CSPG4: variants seen among roughly 807,000 people sequenced by gnomAD.
The protein encoded by CSPG4 is chondroitin sulfate proteoglycan 4 (melanoma-associated).
Under a neutral mutation model 139.3 loss-of-function variants are expected in CSPG4, and 74 were observed. The ratio of observed to expected loss-of-function variants is 0.53; its 90% CI spans 0.44 to 0.64. The LOEUF is 0.64. Among genes scored for constraint, CSPG4 ranks in the 30% least tolerant of loss-of-function variants. The probability of loss-of-function intolerance (pLI) is 0.00; values close to 1 mark genes in which losing one functional copy is unlikely to be tolerated. For synonymous variants in CSPG4, 1,234 were observed against 1,394.2 expected, an observed-to-expected ratio of 0.89 and a Z score of 2.56; for missense variants, 2,565 against 3,148.3, an observed-to-expected ratio of 0.81 and a Z score of 4.43.
At chr15:75,699,512 C>G (rs1406858856) in intron 1 of CSPG4, among the ~76,000 whole-genome samples, 1 of 152,188 alleles carries the variant, frequency 6.6e-6, no homozygotes, top group African/African-American at 2.4e-5. Context: ...TGAGGGAACC[C>G]GTCTGGAAGA....
rs769779705 is a variant in CSPG4 at position 75,685,462 on chromosome 15, G to A, written c.4029C>T (p.Pro1343=). 6.2e-7 allele frequency: 1 copy of A among 1,612,402 alleles called. No homozygotes were observed. Among genetic ancestry groups the A allele is most frequent in the East Asian group, 2.2e-5 (1 of 44,872 alleles). The change falls in exon 4 of 10, where the codon CCC becomes CCT. Residue 1343 remains proline, a synonymous_variant. Transcript: ENST00000308508. ...SLDVASGLGA[P]LEGVLVELEV... ...CCAGCTCCACAAGGACGCCCTCGAG[G>A]GGAGCACCCAGGCCTGAGGCCACAT...
intron 1 of CSPG4, among the ~76,000 whole-genome samples, chr15:75,709,909 G>T (rs565843740): frequency 2.0e-5 from 3 of 151,836 alleles, no homozygotes; most frequent in Non-Finnish European, 4.4e-5. Flanking sequence ...TTTTTCTCGA[G>T]TCCGGGTGGG....
chr15:75,695,586 G>T (rs550054321), intron 1 of CSPG4, among the ~76,000 whole-genome samples: 15 of 152,272 alleles, frequency 9.9e-5, no homozygotes, highest in African/African-American at 3.6e-4. Flanking sequence ...CCACCTCCTG[G>T]TCTCCTTTTT....
At position 75,675,676 on chromosome 15, in the gene CSPG4, G is replaced by T; in HGVS notation, c.6843C>A (p.Gly2281=). Residue 2281 remains glycine (G), a synonymous_variant, in exon 10 of 10, where the codon GGC becomes GGA. Coordinates refer to ENST00000308508, the MANE Select transcript of CSPG4 (RefSeq NM_001897.5). ...DTETFRKVEP[G]QAIPLTAVPG... ...GCACAGCTGTGAGCGGGATGGCCTG[G>T]CCTGGCTCCACCTTGCGAAAGGTCT... 3 of 1,550,496 alleles carry T rather than the reference G, an allele frequency of 1.9e-6. No homozygotes were observed. Among genetic ancestry groups the T allele is most frequent in the East Asian group, 4.5e-5 (2 of 44,238 alleles).
At position 75,691,066 on chromosome 15, in the gene CSPG4, T is replaced by C. The variant is rs531644690; in HGVS notation, c.253-254A>G. ...GCGCATGCCTGTAATCCCAGCTACT[T>C]TGGAGGCTGTGGCAGGAGAATTGCT... On this transcript the variant is annotated intron_variant, in intron 2 of 9. Coordinates refer to ENST00000308508, the MANE Select transcript of CSPG4 (RefSeq NM_001897.5). Among the ~76,000 whole-genome samples the C allele has an allele frequency of 1.4e-4, 21 of 152,262 alleles. No individual in the cohort carries two copies. The East Asian group carries it at 3.7e-3, about 27-fold the overall frequency.
intron 1 of CSPG4, among the ~76,000 whole-genome samples, chr15:75,707,036 C>T (rs1399969416): frequency 6.6e-6 from 1 of 150,958 alleles, no homozygotes; most frequent in Non-Finnish European, 1.5e-5. Flanking sequence ...TAGCTCACTG[C>T]AACATCTGCC....
At chr15:75,681,567 C>T (rs988552897) in intron 8 of CSPG4, among the ~76,000 whole-genome samples, 8 of 152,238 alleles carry the variant, frequency 5.3e-5, no homozygotes, top group East Asian at 1.9e-4. Flanking sequence ...TCACATGTGC[C>T]GCCTGCCTGG....
In CSPG4 at chr15:75,696,611, C is replaced by T. The variant is rs1050009103; in HGVS notation, c.89-3378G>A. Among the ~76,000 whole-genome samples, 17 of 152,094 alleles carry T rather than the reference C, an allele frequency of 1.1e-4. No homozygotes were observed. Among genetic ancestry groups the T allele is most frequent in the Non-Finnish European group, 2.9e-5 (2 of 67,984 alleles). ...CCCGCCTGCCATTACTTGGCTGGGC[C>T]TGGCTCCATGAAAGGGGCTGTGTGT... On this transcript the variant is annotated intron_variant, in intron 1 of 9. Coordinates refer to ENST00000308508, the MANE Select transcript of CSPG4 (RefSeq NM_001897.5). The surrounding 1 kb of genome is among the most constrained non-coding windows in gnomAD (Gnocchi z 4.2).
chr15:75,689,150 T>C lies in CSPG4; in HGVS notation c.1915A>G (p.Thr639Ala). 6.3e-7 allele frequency: 1 copy of C among 1,599,524 alleles called. No homozygotes were observed. Among genetic ancestry groups the C allele is most frequent in the Non-Finnish European group, 8.5e-7 (1 of 1,172,874 alleles). Reference protein sequence around the residue: ...VHRGGPAQDLTFRVSDGLQAS... With the variant: ...VHRGGPAQDLAFRVSDGLQAS... ...TGCAGTCCATCGCTGACCCGGAACGTCAAGTCCTGTGCAGGACCACCGCGG... is the reference window on the plus strand; with the variant it reads ...TGCAGTCCATCGCTGACCCGGAACGCCAAGTCCTGTGCAGGACCACCGCGG... Residue 639 changes from threonine to alanine, a missense_variant, in exon 3 of 10, where the codon ACG becomes GCG. Thr to Ala is a moderately conservative substitution (Grantham distance 58, BLOSUM62 0). Around this residue, in one of 5 missense-constraint regions of CSPG4, gnomAD observed 2,316 missense variants for 2,818.2 expected, o/e 0.82. Transcript: ENST00000308508.
rs1894100941 is a variant in CSPG4 at position 75,688,535 on chromosome 15, C to T, written c.2530G>A (p.Gly844Ser). The change falls in exon 3 of 10, where the codon GGC becomes AGC. Residue 844 changes from glycine (G) to serine (S), a missense_variant. Physicochemically the swap from Gly to Ser is moderately conservative, Grantham distance 56. Transcript: ENST00000308508. The stretch of plus-strand genomic sequence containing the variant: ...ATGTCATCCTGGGTGAAGCCCTGGC[C>T]ATCTGACAGCCTTGTGCCCTGTAGT... ...LQLQGTRLSDGQGFTQDDIQA... is the reference protein window; with the variant it reads ...LQLQGTRLSDSQGFTQDDIQA... 9.3e-6 allele frequency: 15 copies of T among 1,613,204 alleles called. No homozygotes were observed. Among genetic ancestry groups the T allele is most frequent in the Non-Finnish European group, 1.3e-5 (15 of 1,180,040 alleles).
rs923082891 is a variant in CSPG4 at position 75,698,296 on chromosome 15, C to A, written c.89-5063G>T. On this transcript the variant is annotated intron_variant, in intron 1 of 9. Transcript: ENST00000308508. The surrounding 1 kb of genome is among the most constrained non-coding windows in gnomAD (Gnocchi z 4.3). ...AAGGCCGGGATGAAGGGCTCTCTGT[C>A]TCCCCTCATAGGTGTGTATGTGGTG... 6.6e-6 allele frequency among the ~76,000 whole-genome samples: 1 copy of A among 151,112 alleles called. No homozygotes were observed. Among genetic ancestry groups the A allele is most frequent in the Non-Finnish European group, 1.5e-5 (1 of 67,788 alleles).
intron 8 of CSPG4, chr15:75,678,821 G>T: frequency 2.2e-6 from 1 of 456,154 alleles, no homozygotes; most frequent in Non-Finnish European, 4.4e-6. Context: ...TTTTGCCAAG[G>T]GCACCAGAGG....
At position 75,688,264 on chromosome 15, in the gene CSPG4, T is replaced by C; in HGVS notation, c.2801A>G (p.Tyr934Cys). The C allele has an allele frequency of 4.3e-6, 7 of 1,612,984 alleles. No individual in the cohort carries two copies. The highest frequency in any genetic ancestry group is 4.2e-6 in the Non-Finnish European group (5 of 1,180,000). ...ATGGCGGGGCCGCTCCATGACCTCA[T>C]AGAGGTAGCTGGCACTGTTGAGACT... The part of the protein sequence containing the change: ...VKSLNSASYL[Y>C]EVMERPRHGR... Residue 934 changes from tyrosine to cysteine, a missense_variant, in exon 3 of 10, where the codon TAT becomes TGT. Coordinates refer to ENST00000308508, the MANE Select transcript of CSPG4 (RefSeq NM_001897.5).
chr15:75,712,718 C>A lies in CSPG4; in HGVS notation c.38G>T (p.Gly13Val). 6.4e-7 allele frequency: 1 copy of A among 1,562,412 alleles called. No individual in the cohort carries two copies. The highest frequency in any genetic ancestry group is 8.7e-7 in the Non-Finnish European group (1 of 1,154,090). The change falls in exon 1 of 10, where the codon GGC (glycine) becomes GTC (valine). Residue 13 changes from glycine to valine, a missense_variant. Gly to Val is a moderately radical substitution (Grantham distance 109). Transcript: ENST00000308508. ...AGTCAGGGTCAAAGCCAAGGCCAGG[C>A]CGGGGGCTGGAAGTGGGGGCCGCGG... ...SGPRPPLPAP[G>V]LALALTLTML...
rs1457018520 is a variant in CSPG4, at chr15:75,710,036, C to T, written c.88+2632G>A. 3.9e-5 allele frequency among the ~76,000 whole-genome samples: 6 copies of T among 151,964 alleles called. No homozygotes were observed. In the East Asian group the frequency reaches 1.2e-3, roughly 29 times the overall value. ...AGCACCATCGGTCCCCCCAAGCCAT[C>T]CTCAGAGGCAGCAGGATCTACCCTG... On this transcript the variant is annotated intron_variant, in intron 1 of 9. Coordinates refer to ENST00000308508, the MANE Select transcript of CSPG4 (RefSeq NM_001897.5).
Position 75,685,218 on chromosome 15 carries a change from C to A in CSPG4, c.4272+1G>T. 3.3e-6 allele frequency: 5 copies of A among 1,516,684 alleles called. No individual in the cohort carries two copies. Among genetic ancestry groups the A allele is most frequent in the Non-Finnish European group, 4.4e-6 (5 of 1,133,732 alleles). The allele number at this position is 1,516,684 out of a possible 1,614,324, so 94.0% of individuals were successfully genotyped here. On this transcript the variant is annotated splice_donor_variant, in intron 4 of 9. Transcript: ENST00000308508. LOFTEE classifies it high-confidence loss of function. Reference sequence around the variant, plus strand: ...CCCCTGGGCCTCTCTCACAGCCATACCATTCTCCAGGAGAAGGCGCTGAGG... The same window carrying A: ...CCCCTGGGCCTCTCTCACAGCCATAACATTCTCCAGGAGAAGGCGCTGAGG...
At chr15:75,686,268 T>C (rs4293340) in intron 3 of CSPG4, among the ~76,000 whole-genome samples, 54,379 of 146,524 alleles carry the variant, frequency 0.37, 9,957 homozygotes, top group Admixed American at 0.5. Flanking sequence ...TACACATGCG[T>C]GTGTGCACAC....
Position 75,677,703 on chromosome 15 carries a change from C to T in CSPG4, c.5134G>A (p.Gly1712Ser). 2 of 1,599,616 alleles carry T rather than the reference C, an allele frequency of 1.3e-6. No individual in the cohort carries two copies. The highest frequency in any genetic ancestry group is 2.2e-5 in the South Asian group (2 of 89,682). Residue 1712 changes from glycine (G) to serine (S), a missense_variant and splice_region_variant, in exon 9 of 10, where the codon GGT becomes AGT. Coordinates refer to ENST00000308508, the MANE Select transcript of CSPG4 (RefSeq NM_001897.5). ...CTTGCCAGCTTATCATGCTGTTCAC[C>T]TTTGTTCTTCCAGAGGTGGCTGGGG... The part of the protein sequence containing the change: ...QRPSHLWKNK[G>S]LWVPEGQRAR...
At position 75,688,941 on chromosome 15, in the gene CSPG4, C is replaced by T. The variant is rs1350633464; in HGVS notation, c.2124G>A (p.Gln708=). Residue 708 remains glutamine (Q), a synonymous_variant, in exon 3 of 10, where the codon CAG becomes CAA. Transcript: ENST00000308508. ...CCCCCTGCTTCTGCAGCTCCCCAAA[C>T]TGCAGGGCCCCAGTGACGCGGAACA... ...SVLFRVTGAL[Q]FGELQKQGAG... The T allele has an allele frequency of 6.2e-7, 1 of 1,612,620 alleles. No homozygotes were observed. The highest frequency in any genetic ancestry group is 1.1e-5 in the South Asian group (1 of 91,070).
Sources: gnomAD v4.1 joint callset for allele counts (sites outside exome capture counted in the v4.1 genomes callset) on GRCh38, gnomAD v4.1.1 for gene constraint, gnomAD v4.1.1 regional missense constraint, Gnocchi (gnomAD v3.1) non-coding constraint, MANE v1.5 for transcripts, NCBI Gene and HGNC (gene_info 2026-07-23, HGNC 2026-07-21) for gene names.